HP1BP3: variants seen among roughly 807,000 people sequenced by gnomAD.
The protein encoded by HP1BP3 is heterochromatin protein 1 binding protein 3, also known as heterochromatin protein 1-binding protein 3.
Under a neutral mutation model 62.5 loss-of-function variants are expected in HP1BP3, and 12 were observed. The observed-to-expected ratio is 0.19, with a 90% CI of 0.12 to 0.31. The LOEUF is 0.31. Ranked by LOEUF, HP1BP3 falls within the 10% of genes least tolerant of loss-of-function variation. HP1BP3 has a pLI of 1.00. For synonymous variants in HP1BP3, 260 were observed against 237.8 expected (o/e 1.09, Z -0.86); for missense variants, 502 against 651.8 (o/e 0.77, Z 2.50).
chr1:20,764,800 G>A (rs931404371), intron 8 of HP1BP3, among the ~76,000 whole-genome samples: 2 of 151,638 alleles, frequency 1.3e-5, no homozygotes, highest in Non-Finnish European at 2.9e-5. Context: ...GCTTGAACCC[G>A]GGAGTTAGAG....
intron 1 of HP1BP3, among the ~76,000 whole-genome samples, chr1:20,782,756 CG>C (rs2057621764): frequency 6.6e-6 from 1 of 151,348 alleles, no homozygotes; most frequent in Admixed American, 6.6e-5. Context: ...AAAAATTAGC[CG>C]GGTGTGGTGG....
In HP1BP3 at chr1:20,743,728, G is replaced by A. The variant is rs991005539; in HGVS notation, c.*1069C>T. On this transcript the variant is annotated 3_prime_UTR_variant, in exon 13 of 13. Coordinates refer to ENST00000438032, the MANE Select transcript of HP1BP3 (RefSeq NM_001372052.1). ...ATTTTTGGTAACACAGGTGACACCA[G>A]AAATCACAAATCAATATATTTCTAC... 2 of 152,000 alleles carry A rather than the reference G, an allele frequency of 1.3e-5. No homozygotes were observed. The highest frequency in any genetic ancestry group is 2.9e-5 in the Non-Finnish European group (2 of 68,000). 9.4% of individuals were successfully genotyped at this position (152,000 alleles called of 1,614,324 possible). A position where few individuals can be genotyped will look rare whatever the true frequency, so the allele number is the denominator to read the frequency against.
chr1:20,765,305 C>A, intron 8 of HP1BP3, 72 bp downstream of exon 8: 1 of 985,596 alleles, frequency 1.0e-6, no homozygotes, highest in Non-Finnish European at 1.5e-6. Context: ...TTTAATCTAT[C>A]TCTTTTCCCA....
intron 6 of HP1BP3, among the ~76,000 whole-genome samples, chr1:20,768,247 C>A (rs1198577954): frequency 6.6e-6 from 1 of 151,890 alleles, no homozygotes; most frequent in Non-Finnish European, 1.5e-5. Context: ...GAGATCGACA[C>A]CATCCTGGCT....
chr1:20,773,671 G>A (rs1417625106), intron 4 of HP1BP3, 61 bp from the exon 5 acceptor site: 3 of 1,206,228 alleles, frequency 2.5e-6, no homozygotes, highest in African/African-American at 1.6e-5. Context: ...TATAAAGTCA[G>A]AAGGAGGAAA....
In HP1BP3 at chr1:20,757,270, CA is replaced by C. The variant is rs761522555; in HGVS notation, c.891-15del. On this transcript the variant is annotated splice_polypyrimidine_tract_variant and intron_variant, in intron 8 of 12. Transcript: ENST00000438032. ...AACAGCTGAGGCCTGCAAAGAAAAA[CA>C]AAAAAAAAATAGTGATAAATACATT... The C allele has an allele frequency of 8.7e-3, 11,493 of 1,318,500 alleles. 4 individuals carry two copies. The highest frequency in any genetic ancestry group is 0.016 in the African/African-American group (1,029 of 62,506). 81.7% of individuals were successfully genotyped at this position (1,318,500 alleles called of 1,614,324 possible).
intron 10 of HP1BP3, among the ~76,000 whole-genome samples, chr1:20,748,145 C>T (rs908296591): frequency 6.6e-5 from 10 of 151,612 alleles, no homozygotes; most frequent in Admixed American, 6.5e-4. Context: ...TCTAAGGTAG[C>T]ACATAAACAG....
intron 8 of HP1BP3, among the ~76,000 whole-genome samples, chr1:20,761,316 C>T (rs1185007969): frequency 6.6e-6 from 1 of 152,120 alleles, no homozygotes; most frequent in Non-Finnish European, 1.5e-5. Context: ...GCTGGGATTA[C>T]AGGCATGAGC....
At chr1:20,761,431 T>A (rs2056471856) in intron 8 of HP1BP3, among the ~76,000 whole-genome samples, 1 of 152,150 alleles carries the variant, frequency 6.6e-6, no homozygotes, top group African/African-American at 2.4e-5. Flanking sequence ...CAGCACAAAG[T>A]CAGGGTTTTT....
intron 9 of HP1BP3, among the ~76,000 whole-genome samples, chr1:20,750,550 T>C (rs540720264): frequency 6.7e-6 from 1 of 149,920 alleles, no homozygotes; most frequent in Non-Finnish European, 1.5e-5. Context: ...ATAAAATAAA[T>C]TTAAAAAAAA....
chr1:20,779,259 C>T lies in HP1BP3; in HGVS notation c.196+553G>A, dbSNP rs1031493789. Among the ~76,000 whole-genome samples the T allele has an allele frequency of 3.3e-5, 5 of 152,038 alleles. No individual in the cohort carries two copies. The South Asian group carries it at 6.2e-4, about 19-fold the overall frequency. On this transcript the variant is annotated intron_variant, in intron 3 of 12. Transcript: ENST00000438032. ...AAGATCATGAGAAGAAAAATAAAGA[C>T]GGGAAAAGGAGAAGAGGTGGTTATA...
intron 7 of HP1BP3, 28 bp downstream of exon 7, chr1:20,767,556 C>A: frequency 1.4e-6 from 2 of 1,398,560 alleles, no homozygotes; most frequent in Non-Finnish European, 2.0e-6. Flanking sequence ...AGCTCCACAG[C>A]ACTCAAACTG....
chr1:20,779,182 T>G (rs1258754349), intron 3 of HP1BP3, among the ~76,000 whole-genome samples: 1 of 144,464 alleles, frequency 6.9e-6, no homozygotes, highest in African/African-American at 2.6e-5. Flanking sequence ...AAACCTGAGA[T>G]AAAAGGCAAG....
At chr1:20,766,287 G>A (rs142575721) in intron 7 of HP1BP3, among the ~76,000 whole-genome samples, 7 of 152,090 alleles carry the variant, frequency 4.6e-5, no homozygotes, top group African/African-American at 1.4e-4. Flanking sequence ...GCGAAACTCC[G>A]TCTCAAAACA....
At chr1:20,784,751 C>G (rs1038620918) in intron 1 of HP1BP3, among the ~76,000 whole-genome samples, 1 of 152,202 alleles carries the variant, frequency 6.6e-6, no homozygotes, top group Non-Finnish European at 1.5e-5. Flanking sequence ...GCTGGGATTA[C>G]AGGCGTGAGC....
intron 9 of HP1BP3, among the ~76,000 whole-genome samples, chr1:20,754,656 G>A (rs900818483): frequency 6.6e-6 from 1 of 152,112 alleles, no homozygotes; most frequent in African/African-American, 2.4e-5. Flanking sequence ...AGAGAACTCA[G>A]AATCCGGAAA....
chr1:20,749,708 ACAACCGAGT>A lies in HP1BP3; in HGVS notation c.1141+6_1141+14del, dbSNP rs763674949. On this transcript the variant is annotated splice_donor_region_variant and intron_variant, in intron 10 of 12. Coordinates refer to ENST00000438032, the MANE Select transcript of HP1BP3 (RefSeq NM_001372052.1). ...TTCTCCTAATCCCAGTTAAATATAC[ACAACCGAGT>A]CTTACTTTGATAGTTAGAATTGGTT... The A allele has an allele frequency of 6.2e-7, 1 of 1,601,252 alleles. No individual in the cohort carries two copies. The highest frequency in any genetic ancestry group is 1.1e-5 in the South Asian group (1 of 89,164).
At position 20,758,405 on chromosome 1, in the gene HP1BP3, G is replaced by C. The variant is rs2056258347; in HGVS notation, c.891-1149C>G. On this transcript the variant is annotated intron_variant, in intron 8 of 12. Coordinates refer to ENST00000438032, the MANE Select transcript of HP1BP3 (RefSeq NM_001372052.1). ...CTGTCACCCAGGCTGGAGTGCAGTGGCGCGATCTCAGGTCACTGCAACCTC... is the reference window on the plus strand; with the variant it reads ...CTGTCACCCAGGCTGGAGTGCAGTGCCGCGATCTCAGGTCACTGCAACCTC... Among the ~76,000 whole-genome samples the C allele has an allele frequency of 2.6e-5, 4 of 152,134 alleles. No homozygotes were observed. In the South Asian group the frequency reaches 8.3e-4, roughly 32 times the overall value.
chr1:20,757,346 G>A lies in HP1BP3; in HGVS notation c.891-90C>T, dbSNP rs2056176523. The A allele has an allele frequency of 4.4e-6, 3 of 686,064 alleles. No individual in the cohort carries two copies. The East Asian group carries it at 9.6e-5, about 22-fold the overall frequency. The allele number at this position is 686,064 out of a possible 1,614,324, so 42.5% of individuals were successfully genotyped here. A position where few individuals can be genotyped will look rare whatever the true frequency, so the allele number is the denominator to read the frequency against. On this transcript the variant is annotated intron_variant, in intron 8 of 12. Transcript: ENST00000438032. The stretch of plus-strand genomic sequence containing the variant: ...AGATACAGGGTTATTCCCAGATCTA[G>A]AGTTCTGATTACTATTATTATTATT...
Sources: allele counts gnomAD v4.1 joint callset (sites outside exome capture counted in the v4.1 genomes callset), GRCh38; gene constraint gnomAD v4.1.1; transcripts MANE v1.5; gene names NCBI Gene and HGNC (gene_info 2026-07-23, HGNC 2026-07-21).